PTGR3: variants seen among roughly 807,000 people sequenced by gnomAD.
PTGR3 encodes the protein prostaglandin reductase 3, also known as zinc binding alcohol dehydrogenase domain containing 2.
chr18:75,199,760 C>A, the PTGR3 span: 2 of 152,632 alleles, frequency 1.3e-5, no homozygotes, highest in Non-Finnish European at 2.9e-5. Context: ...GTCACAGTGG[C>A]AATAGCCTCT....
the PTGR3 span, chr18:75,201,911 C>G: frequency 6.2e-7 from 1 of 1,614,202 alleles, no homozygotes; most frequent in East Asian, 2.2e-5. Context: ...CAAGAGATTT[C>G]AGAAAAGCAG....
chr18:75,208,231 C>T, the PTGR3 span: 1 of 815,114 alleles, frequency 1.2e-6, no homozygotes, highest in Non-Finnish European at 1.5e-6. Flanking sequence ...GGACACGCGC[C>T]ACGCGGCGGT....
chr18:75,206,583 A>C, the PTGR3 span, among the ~76,000 whole-genome samples: 2 of 152,210 alleles, frequency 1.3e-5, no homozygotes. Context: ...TGTTTGCAAG[A>C]ACACAGGATC....
the PTGR3 span, chr18:75,201,852 A>G: frequency 6.2e-7 from 1 of 1,614,230 alleles, no homozygotes; most frequent in Non-Finnish European, 8.5e-7. Context: ...CTCCTGCTTA[A>G]GGACGGTACC....
the PTGR3 span, chr18:75,201,157 G>A: frequency 2.7e-5 from 12 of 451,482 alleles, no homozygotes; most frequent in African/African-American, 2.0e-4. Context: ...CATCTGGAAC[G>A]AGACCATCCA....
the PTGR3 span, chr18:75,205,373 C>T: frequency 2.2e-6 from 2 of 896,962 alleles, no homozygotes; most frequent in African/African-American, 4.1e-5. Flanking sequence ...CTCCTTGTAC[C>T]CCCACCCCCC....
chr18:75,202,665 C>CAAA, the PTGR3 span, among the ~76,000 whole-genome samples: 119 of 79,128 alleles, frequency 1.5e-3, no homozygotes, highest in African/African-American at 4.0e-3. Context: ...TAGAAATAAG[C>CAAA]AAAAAAAAAA....
chr18:75,201,575 G>A, the PTGR3 span: 10 of 1,613,976 alleles, frequency 6.2e-6, no homozygotes, highest in Middle Eastern at 1.6e-4. Flanking sequence ...CCAGGTCTCC[G>A]CTCACACACA....
At chr18:75,202,005 G>T in the PTGR3 span, 1 of 1,614,066 alleles carries the variant, frequency 6.2e-7, no homozygotes, top group Non-Finnish European at 8.5e-7. Flanking sequence ...CGTTCCCCCA[G>T]CTGCTGCTGT....
chr18:75,200,176 C>A, the PTGR3 span: 1 of 152,116 alleles, frequency 6.6e-6, no homozygotes, highest in East Asian at 1.9e-4. Context: ...GGGGTTTCAG[C>A]GCAACGGTGA....
At chr18:75,195,542 C>T in the PTGR3 span, 1 of 152,214 alleles carries the variant, frequency 6.6e-6, no homozygotes, top group Non-Finnish European at 1.5e-5. Context: ...CCTTTTCTCT[C>T]TGGGTCCCAG....
chr18:75,207,096 G>A, the PTGR3 span, among the ~76,000 whole-genome samples: 1 of 152,230 alleles, frequency 6.6e-6, no homozygotes, highest in Admixed American at 6.5e-5. Context: ...GAGAGGCCCA[G>A]GAGACCCAGC....
the PTGR3 span, chr18:75,199,593 G>A: frequency 0.063 from 9,667 of 152,332 alleles, 374 homozygotes; most frequent in Middle Eastern, 0.2. Context: ...GTCTCTTTCC[G>A]TGTGGCTGTG....
the PTGR3 span, chr18:75,201,490 T>C: frequency 6.2e-7 from 1 of 1,614,200 alleles, no homozygotes; most frequent in South Asian, 1.1e-5. Context: ...TACATATAAT[T>C]GACAGCACGG....
the PTGR3 span, chr18:75,201,346 T>C: frequency 7.4e-7 from 1 of 1,346,760 alleles, no homozygotes; most frequent in Non-Finnish European, 1.0e-6. Context: ...AAAAATAAAT[T>C]GATTTGAGTA....
the PTGR3 span, chr18:75,201,965 C>T: frequency 0.037 from 60,005 of 1,614,212 alleles, 1,620 homozygotes; most frequent in Middle Eastern, 0.14. Context: ...GGCACTTTGC[C>T]TTCTTTGAAA....
chr18:75,199,528 C>T, the PTGR3 span: 1 of 152,178 alleles, frequency 6.6e-6, no homozygotes, highest in Admixed American at 6.5e-5. Context: ...CAGTTACATT[C>T]ATAAAACCTG....
chr18:75,202,538 C>G, the PTGR3 span, among the ~76,000 whole-genome samples: 60 of 152,134 alleles, frequency 3.9e-4, no homozygotes, highest in Non-Finnish European at 6.6e-4. Context: ...TGTGCTTTGT[C>G]TCAGTTTTTG....
the PTGR3 span, chr18:75,199,307 T>C: frequency 6.5e-6 from 1 of 152,732 alleles, no homozygotes; most frequent in East Asian, 1.9e-4. Flanking sequence ...CGGGACTCAC[T>C]TCAGTTTCGA....
Sources: gnomAD v4.1 joint callset for allele counts (sites outside exome capture counted in the v4.1 genomes callset) on GRCh38, gnomAD v4.1.1 for gene constraint, MANE v1.5 for transcripts, NCBI Gene and HGNC (gene_info 2026-07-23, HGNC 2026-07-21) for gene names.